PRKG1: variants seen among roughly 807,000 people sequenced by gnomAD.
PRKG1 encodes cGMP-dependent protein kinase 1.
In PRKG1, 35 loss-of-function variants were observed where a neutral mutation model predicts 88.1. That is an observed-to-expected ratio of 0.40 (90% CI 0.30 to 0.53). PRKG1 has a LOEUF of 0.53. Among genes scored for constraint, PRKG1 ranks in the 20% least tolerant of loss-of-function variants. PRKG1 has a pLI of 0.59. For synonymous variants in PRKG1, 303 were observed against 292.5 expected, an observed-to-expected ratio of 1.04 and a Z score of -0.37; for missense variants, 540 against 839.8, an observed-to-expected ratio of 0.64 and a Z score of 4.41.
chr10:52,027,102 C>T (rs1845360902), intron 5 of PRKG1, among the ~76,000 whole-genome samples: 1 of 152,282 alleles, frequency 6.6e-6, no homozygotes, highest in Admixed American at 6.5e-5. Context: ...TAACTCAATC[C>T]ATGGGAACTG....
chr10:52,133,686 A>G (rs193023311), intron 7 of PRKG1, among the ~76,000 whole-genome samples, 154 bp from the exon 8 acceptor site: 1 of 152,248 alleles, frequency 6.6e-6, no homozygotes. Flanking sequence ...TGATTCCTCA[A>G]AAAAAATTTT....
At chr10:51,890,367 T>C (rs914681769) in intron 4 of PRKG1, among the ~76,000 whole-genome samples, 2 of 152,174 alleles carry the variant, frequency 1.3e-5, no homozygotes, top group African/African-American at 4.8e-5. Context: ...CCTACACTAA[T>C]CCATCAAAAC....
intron 3 of PRKG1, among the ~76,000 whole-genome samples, chr10:51,786,082 A>G (rs971162129): frequency 1.3e-5 from 2 of 152,188 alleles, no homozygotes; most frequent in Admixed American, 6.6e-5. Context: ...CATTATTTCC[A>G]GAATGTATAG....
intron 2 of PRKG1, among the ~76,000 whole-genome samples, chr10:51,179,217 T>C (rs1467893313): frequency 1.3e-5 from 2 of 152,186 alleles, no homozygotes; most frequent in Admixed American, 6.5e-5. Flanking sequence ...AGTAAATTCT[T>C]TGGACTCTGT....
At chr10:51,877,631 A>C (rs1269864142) in intron 4 of PRKG1, among the ~76,000 whole-genome samples, 1 of 152,154 alleles carries the variant, frequency 6.6e-6, no homozygotes, top group African/African-American at 2.4e-5. Context: ...ACTGGCCTAT[A>C]ACCACCGAAC....
At chr10:52,284,590 A>G (rs1443589825) in intron 14 of PRKG1, among the ~76,000 whole-genome samples, 4 of 152,068 alleles carry the variant, frequency 2.6e-5, no homozygotes, top group African/African-American at 9.7e-5. Context: ...ACTATGAAGT[A>G]TGGCATGTGA....
intron 2 of PRKG1, among the ~76,000 whole-genome samples, chr10:51,457,492 T>C (rs1839619267): frequency 6.6e-6 from 1 of 152,182 alleles, no homozygotes; most frequent in Non-Finnish European, 1.5e-5. Flanking sequence ...GCTCAGGTGA[T>C]GGGTGAACCA....
At chr10:51,895,490 T>C (rs955261394) in intron 4 of PRKG1, among the ~76,000 whole-genome samples, 1 of 152,122 alleles carries the variant, frequency 6.6e-6, no homozygotes, top group South Asian at 2.1e-4. Context: ...GCCCAACCCA[T>C]GTCTGAGCAT....
intron 4 of PRKG1, among the ~76,000 whole-genome samples, chr10:51,892,524 C>A (rs1381318726): frequency 6.6e-6 from 1 of 152,094 alleles, no homozygotes; most frequent in African/African-American, 2.4e-5. Context: ...GGTGTCCAGC[C>A]TTTGGGAGAT....
intron 1 of PRKG1, among the ~76,000 whole-genome samples, chr10:51,098,929 C>A (rs770118335): frequency 1.3e-5 from 2 of 152,178 alleles, no homozygotes; most frequent in African/African-American, 2.4e-5. Context: ...ATTCCACCCA[C>A]CCCAGAGCAA....
At chr10:51,815,710 T>A (rs1285815274) in intron 4 of PRKG1, among the ~76,000 whole-genome samples, 2 of 152,192 alleles carry the variant, frequency 1.3e-5, no homozygotes. Flanking sequence ...TGGCTTGGAA[T>A]AAAGTTAATC....
chr10:51,944,328 A>G (rs1047119833), intron 5 of PRKG1, among the ~76,000 whole-genome samples: 2 of 151,784 alleles, frequency 1.3e-5, no homozygotes, highest in African/African-American at 4.9e-5. Context: ...TATTGCGCCT[A>G]TTTGATTCTT....
In PRKG1 at chr10:51,905,860, A is replaced by G. The variant is rs190402886; in HGVS notation, c.699-1647A>G. Among the ~76,000 whole-genome samples, 25 of 152,288 alleles carry G rather than the reference A, an allele frequency of 1.6e-4. No homozygotes were observed. The South Asian group carries it at 3.5e-3, about 21-fold the overall frequency. On this transcript the variant is annotated intron_variant, in intron 4 of 17. Transcript: ENST00000373980. The stretch of plus-strand genomic sequence containing the variant: ...ATGCTTTCATAACTACATTCAAAAT[A>G]TGTTGTTTGTTATTTATAAATCGCT...
intron 4 of PRKG1, among the ~76,000 whole-genome samples, chr10:51,821,803 C>T (rs1839753206): frequency 6.6e-6 from 1 of 152,018 alleles, no homozygotes; most frequent in Non-Finnish European, 1.5e-5. Context: ...CAGAAATAAA[C>T]TCATGCATAT....
chr10:51,837,073 A>G (rs972535825), intron 4 of PRKG1, among the ~76,000 whole-genome samples: 2 of 152,172 alleles, frequency 1.3e-5, no homozygotes, highest in Non-Finnish European at 2.9e-5. Flanking sequence ...AGAAAATGCA[A>G]TTCTTCTCAC....
intron 10 of PRKG1, among the ~76,000 whole-genome samples, chr10:52,253,945 TA>T (rs1841247074): frequency 6.6e-6 from 1 of 151,944 alleles, no homozygotes; most frequent in African/African-American, 2.4e-5. Context: ...TCAGAATGCC[TA>T]TATTGTCTTC....
rs190164717 is a variant in PRKG1 at position 51,885,944 on chromosome 10, T to C, written c.699-21563T>C. On this transcript the variant is annotated intron_variant, in intron 4 of 17. Coordinates refer to ENST00000373980, the MANE Select transcript of PRKG1 (RefSeq NM_006258.4). ...GGTATGAAATACATCTTTTTTCTTC[T>C]GAGTTCTCAAAACCGCATGGTGCCA... is the stretch of plus-strand genomic sequence containing the variant. 7.2e-5 allele frequency among the ~76,000 whole-genome samples: 11 copies of C among 152,360 alleles called. No individual in the cohort carries two copies. The East Asian group carries it at 2.1e-3, about 29-fold the overall frequency.
rs148020322 is a variant in PRKG1, at chr10:51,140,714, T to C, written c.312-12450T>C. ...TGTCCTCATAGACTACCTCCCCTTTTCATATCCCTCTCTCCATTCTCTTTG... is the reference window on the plus strand; with the variant it reads ...TGTCCTCATAGACTACCTCCCCTTTCCATATCCCTCTCTCCATTCTCTTTG... On this transcript the variant is annotated intron_variant, in intron 1 of 17. Transcript: ENST00000373980. Among the ~76,000 whole-genome samples the C allele has an allele frequency of 5.7e-4, 87 of 152,288 alleles. No individual in the cohort carries two copies. The East Asian group carries it at 0.012, about 21-fold the overall frequency.
At chr10:51,946,319 T>A (rs948106475) in intron 5 of PRKG1, among the ~76,000 whole-genome samples, 9 of 152,090 alleles carry the variant, frequency 5.9e-5, no homozygotes, top group Admixed American at 5.2e-4. Context: ...ATCAGCTCCT[T>A]TAAGCACTTC....
Sources: gnomAD v4.1 joint callset for allele counts (sites outside exome capture counted in the v4.1 genomes callset) on GRCh38, gnomAD v4.1.1 for gene constraint, MANE v1.5 for transcripts, NCBI Gene and HGNC (gene_info 2026-07-23, HGNC 2026-07-21) for gene names.